Variants in MAF observed in about 807,000 individuals in gnomAD.
MAF encodes transcription factor Maf.
Under a neutral mutation model 22.0 loss-of-function variants are expected in MAF, and 10 were observed. The observed-to-expected ratio is 0.45, with a 90% CI of 0.28 to 0.77. MAF has a LOEUF of 0.77. Ranked by LOEUF, MAF falls within the 30% of genes least tolerant of loss-of-function variation. The pLI is 0.12. For missense variants in MAF, 544 were observed against 548.4 expected (o/e 0.99, Z 0.08); for synonymous variants, 337 against 255.8 (o/e 1.32, Z -3.03).
At chr16:79,285,783 T>C in the MAF span, among the ~76,000 whole-genome samples, 1 of 152,102 alleles carries the variant, frequency 6.6e-6, no homozygotes, top group Non-Finnish European at 1.5e-5. Context: ...GGAGGTGACT[T>C]CCCCAACGTG....
chr16:79,450,446 C>T, the MAF span, among the ~76,000 whole-genome samples: 1 of 152,294 alleles, frequency 6.6e-6, no homozygotes, highest in Admixed American at 6.5e-5. Context: ...GCTGAAAATA[C>T]TCCTTCGGGT....
At chr16:79,209,517 C>T in the MAF span, among the ~76,000 whole-genome samples, 20 of 152,188 alleles carry the variant, frequency 1.3e-4, no homozygotes, top group South Asian at 2.3e-3. Context: ...GCATAGAGGG[C>T]GGGAGGCTGG....
the MAF span, chr16:79,212,106 C>T: frequency 2.0e-6 from 3 of 1,535,846 alleles, no homozygotes; most frequent in African/African-American, 1.4e-5. Context: ...CAGCAATTCT[C>T]TTTCTTTTAC....
chr16:79,278,864 C>A, the MAF span, among the ~76,000 whole-genome samples: 1 of 152,074 alleles, frequency 6.6e-6, no homozygotes, highest in Non-Finnish European at 1.5e-5. Context: ...AAAGGCACAG[C>A]CTACTGAACA....
the MAF span, among the ~76,000 whole-genome samples, chr16:79,437,752 G>T: frequency 6.6e-6 from 1 of 152,162 alleles, no homozygotes; most frequent in Non-Finnish European, 1.5e-5. Context: ...TAAGTTCACT[G>T]AGAGAAACCG....
chr16:79,589,305 C>G (rs567424303), downstream of MAF, among the ~76,000 whole-genome samples: 1 of 152,132 alleles, frequency 6.6e-6, no homozygotes, highest in Non-Finnish European at 1.5e-5. Context: ...CTCATCCTGG[C>G]GCTGTTGGAG....
chr16:79,365,251 G>A, the MAF span, among the ~76,000 whole-genome samples: 4 of 152,118 alleles, frequency 2.6e-5, no homozygotes, highest in Admixed American at 2.0e-4. Context: ...TTTTCCCCAC[G>A]ATAGGTAGGC....
the MAF span, among the ~76,000 whole-genome samples, chr16:79,436,151 C>T: frequency 4.6e-5 from 7 of 152,262 alleles, no homozygotes; most frequent in East Asian, 3.9e-4. Flanking sequence ...GGCATGATCT[C>T]GGCTCACTGC....
At chr16:79,211,093 C>G in the MAF span, among the ~76,000 whole-genome samples, 3 of 150,064 alleles carry the variant, frequency 2.0e-5, no homozygotes, top group East Asian at 5.8e-4. Flanking sequence ...CCAACCCTTC[C>G]CCTAGCAGCA....
the MAF span, among the ~76,000 whole-genome samples, chr16:79,215,286 T>TGAC: frequency 6.6e-6 from 1 of 152,076 alleles, no homozygotes; most frequent in African/African-American, 2.4e-5. Context: ...CTTGCTATGT[T>TGAC]GACCAGGCTA....
the MAF span, among the ~76,000 whole-genome samples, chr16:79,479,195 A>G: frequency 6.6e-6 from 1 of 152,126 alleles, no homozygotes; most frequent in African/African-American, 2.4e-5. Flanking sequence ...CCACCCCAGC[A>G]TACCTATATC....
chr16:79,506,132 A>T, the MAF span, among the ~76,000 whole-genome samples: 1 of 152,226 alleles, frequency 6.6e-6, no homozygotes, highest in Non-Finnish European at 1.5e-5. Context: ...GCAATAAGAA[A>T]GAGATTTCTT....
the MAF span, among the ~76,000 whole-genome samples, chr16:79,413,220 T>G: frequency 7.1e-4 from 11 of 15,412 alleles, no homozygotes; most frequent in East Asian, 0.021. Context: ...GTTTTTTTTT[T>G]TTTTTTTTTT....
the MAF span, among the ~76,000 whole-genome samples, chr16:79,481,304 G>C: frequency 6.6e-6 from 1 of 151,648 alleles, no homozygotes; most frequent in Non-Finnish European, 1.5e-5. Flanking sequence ...CATTTAAAGT[G>C]AGAAGTTTAA....
At chr16:79,371,292 C>T in the MAF span, among the ~76,000 whole-genome samples, 2 of 152,090 alleles carry the variant, frequency 1.3e-5, no homozygotes, top group Non-Finnish European at 2.9e-5. Flanking sequence ...GTGACCCTCC[C>T]TTGAGGTCAG....
chr16:79,586,357 C>A (rs1009079712), intron 1 of MAF, among the ~76,000 whole-genome samples: 4 of 152,146 alleles, frequency 2.6e-5, no homozygotes, highest in South Asian at 2.1e-4. Flanking sequence ...CTGGGAGAAC[C>A]ACACTGGCCC....
At chr16:79,506,582 G>C in the MAF span, among the ~76,000 whole-genome samples, 1 of 152,226 alleles carries the variant, frequency 6.6e-6, no homozygotes, top group Non-Finnish European at 1.5e-5. Flanking sequence ...ACGGTGAAGT[G>C]TAGAACCAAG....
chr16:79,427,254 C>A, the MAF span, among the ~76,000 whole-genome samples: 4 of 152,158 alleles, frequency 2.6e-5, no homozygotes, highest in East Asian at 1.9e-4. Context: ...CAAGTCAGAG[C>A]CCATGTTTGG....
At chr16:79,404,380 T>C in the MAF span, among the ~76,000 whole-genome samples, 1 of 152,118 alleles carries the variant, frequency 6.6e-6, no homozygotes, top group Non-Finnish European at 1.5e-5. Flanking sequence ...GCCAGGATAG[T>C]CTCGATCTCT....
Sources: allele counts gnomAD v4.1 joint callset (sites outside exome capture counted in the v4.1 genomes callset), GRCh38; gene constraint gnomAD v4.1.1; transcripts MANE v1.5; gene names NCBI Gene and HGNC (gene_info 2026-07-23, HGNC 2026-07-21).